RORA: variants seen among roughly 807,000 people sequenced by gnomAD.
RORA encodes RAR related orphan receptor A.
Under a neutral mutation model 69.5 loss-of-function variants are expected in RORA, and 7 were observed. The ratio of observed to expected loss-of-function variants is 0.10; its 90% CI spans 0.06 to 0.19. The LOEUF is 0.19. Among genes scored for constraint, RORA ranks in the 10% least tolerant of loss-of-function variants. RORA has a pLI of 1.00. For synonymous variants in RORA, 261 were observed against 240.8 expected, an observed-to-expected ratio of 1.08 and a Z score of -0.78; for missense variants, 457 against 663.0, an observed-to-expected ratio of 0.69 and a Z score of 3.41.
intron 1 of RORA, among the ~76,000 whole-genome samples, chr15:61,012,067 T>C (rs1895105528): frequency 6.6e-6 from 1 of 152,192 alleles, no homozygotes; most frequent in African/African-American, 2.4e-5. Context: ...AAGGGGGGTG[T>C]TCACTAGCAG....
At chr15:60,906,021 A>T (rs1045144482) in intron 1 of RORA, among the ~76,000 whole-genome samples, 5 of 152,182 alleles carry the variant, frequency 3.3e-5, no homozygotes, top group Non-Finnish European at 7.3e-5. Context: ...TTTTAATGAG[A>T]TCTTGTCTGT....
chr15:60,562,583 G>C (rs965407100), intron 2 of RORA, among the ~76,000 whole-genome samples: 1 of 151,232 alleles, frequency 6.6e-6, no homozygotes, highest in African/African-American at 2.4e-5. Context: ...CTATAGGCCC[G>C]TGCTACCACG....
intron 1 of RORA, among the ~76,000 whole-genome samples, chr15:61,136,096 C>A (rs547095651): frequency 6.6e-6 from 1 of 152,040 alleles, no homozygotes; most frequent in Non-Finnish European, 1.5e-5. Context: ...TTTAGTGTGC[C>A]GCTTCCAGAT....
chr15:60,617,676 AG>A, intron 2 of RORA, among the ~76,000 whole-genome samples: 1 of 151,370 alleles, frequency 6.6e-6, no homozygotes, highest in African/African-American at 2.4e-5. Flanking sequence ...AGAGAGAGAG[AG>A]AGAGAGAGAG....
At chr15:61,162,461 C>G (rs1436530404) in intron 1 of RORA, among the ~76,000 whole-genome samples, 1 of 152,158 alleles carries the variant, frequency 6.6e-6, no homozygotes, top group Non-Finnish European at 1.5e-5. Flanking sequence ...GGAGGAGATG[C>G]TGCCAGTAGG....
At chr15:60,553,251 T>G (rs1355208067) in intron 2 of RORA, among the ~76,000 whole-genome samples, 6 of 152,198 alleles carry the variant, frequency 3.9e-5, no homozygotes. Context: ...GGGATTACTA[T>G]AAGGTCAAGA....
intron 2 of RORA, among the ~76,000 whole-genome samples, chr15:60,626,981 G>A (rs1292262651): frequency 6.6e-6 from 1 of 152,170 alleles, no homozygotes; most frequent in East Asian, 1.9e-4. Flanking sequence ...GAGGACTTGA[G>A]AGATCACCCT....
At chr15:61,189,223 A>G (rs1355131200) in intron 1 of RORA, among the ~76,000 whole-genome samples, 2 of 152,214 alleles carry the variant, frequency 1.3e-5, no homozygotes, top group East Asian at 3.8e-4. Context: ...TTTTACATTC[A>G]TGATAGACAT....
At chr15:60,672,865 A>G (rs560921118) in intron 2 of RORA, among the ~76,000 whole-genome samples, 1 of 152,354 alleles carries the variant, frequency 6.6e-6, no homozygotes, top group Non-Finnish European at 1.5e-5. Context: ...TACTGCTATT[A>G]CTTCTGCCAT....
chr15:61,170,776 T>C (rs2079578281), intron 1 of RORA, among the ~76,000 whole-genome samples: 1 of 152,146 alleles, frequency 6.6e-6, no homozygotes. Context: ...TAATGCTTAG[T>C]TAGGTAAAGC....
chr15:60,680,857 A>C (rs1418257087), intron 1 of RORA, among the ~76,000 whole-genome samples: 1 of 152,240 alleles, frequency 6.6e-6, no homozygotes, highest in East Asian at 1.9e-4. Flanking sequence ...CAATTAATAA[A>C]CACATTTTTA....
At chr15:60,826,764 TCC>T (rs577519207) in intron 1 of RORA, among the ~76,000 whole-genome samples, 56,073 of 123,900 alleles carry the variant, frequency 0.45, 13,268 homozygotes, top group Middle Eastern at 0.6. Flanking sequence ...TCTCTCTCTC[TCC>T]CTCTCTCTCT....
intron 1 of RORA, among the ~76,000 whole-genome samples, chr15:60,926,923 A>T (rs1306215081): frequency 6.6e-6 from 1 of 152,230 alleles, no homozygotes; most frequent in African/African-American, 2.4e-5. Flanking sequence ...TGGAAGTTTT[A>T]ATTTACTACC....
At chr15:61,071,087 C>T (rs2078335756) in intron 1 of RORA, among the ~76,000 whole-genome samples, 1 of 150,238 alleles carries the variant, frequency 6.7e-6, no homozygotes, top group South Asian at 2.1e-4. Flanking sequence ...TACACTTATC[C>T]TTTTTCTTCT....
At chr15:60,921,526 G>C (rs924796762) in intron 1 of RORA, among the ~76,000 whole-genome samples, 1 of 152,150 alleles carries the variant, frequency 6.6e-6, no homozygotes, top group African/African-American at 2.4e-5. Flanking sequence ...TCTGAGGAAG[G>C]GTAGTGACTG....
chr15:61,096,660 C>T (rs2078794554), intron 1 of RORA, among the ~76,000 whole-genome samples: 1 of 152,162 alleles, frequency 6.6e-6, no homozygotes, highest in Non-Finnish European at 1.5e-5. Context: ...TCCTTGCACA[C>T]AGCTGCCCGT....
chr15:60,888,121 T>G (rs2073771767), intron 1 of RORA, among the ~76,000 whole-genome samples: 1 of 152,232 alleles, frequency 6.6e-6, no homozygotes, highest in African/African-American at 2.4e-5. Flanking sequence ...TCTTGCCTCA[T>G]ACATACCCGG....
At chr15:61,159,248 T>C (rs1221229193) in intron 1 of RORA, among the ~76,000 whole-genome samples, 1 of 152,160 alleles carries the variant, frequency 6.6e-6, no homozygotes, top group Non-Finnish European at 1.5e-5. Flanking sequence ...CCACACCCCT[T>C]CGAGACACAT....
chr15:60,710,251 G>A (rs910096722), intron 1 of RORA, among the ~76,000 whole-genome samples: 1 of 152,166 alleles, frequency 6.6e-6, no homozygotes, highest in Non-Finnish European at 1.5e-5. Flanking sequence ...CACTTTGGGA[G>A]GCCGAGGTGG....
Sources: allele counts gnomAD v4.1 joint callset (sites outside exome capture counted in the v4.1 genomes callset), GRCh38; gene constraint gnomAD v4.1.1; transcripts MANE v1.5; gene names NCBI Gene and HGNC (gene_info 2026-07-23, HGNC 2026-07-21).